The following SEC13 variants were observed in gnomAD, a reference collection of about 807,000 sequenced individuals.
The protein encoded by SEC13 is SEC13 homolog, nuclear pore and COPII component.
A neutral mutation model predicts 49.2 loss-of-function variants in SEC13; 25 were observed. The ratio of observed to expected loss-of-function variants is 0.51; its 90% confidence interval spans 0.37 to 0.71. The LOEUF is 0.71. Among genes scored for constraint, SEC13 ranks in the 30% least tolerant of loss-of-function variants. The pLI is 0.00. For synonymous variants in SEC13, 148 were observed against 163.9 expected (o/e 0.90, Z 0.74); for missense variants, 383 against 417.6 (o/e 0.92, Z 0.72).
chr3:10,313,863 T>C (rs1181896457), intron 3 of SEC13: 1 of 154,526 alleles, frequency 6.5e-6, no homozygotes, highest in East Asian at 1.9e-4. Flanking sequence ...ATAGAGAAGC[T>C]TGATTTGGCT....
chr3:10,317,642 G>C (rs1701687216), intron 2 of SEC13, among the ~76,000 whole-genome samples: 1 of 152,078 alleles, frequency 6.6e-6, no homozygotes, highest in South Asian at 2.1e-4. Flanking sequence ...TTTGTATTGA[G>C]TCATCTTTCT....
At chr3:10,307,219 T>A (rs1161916875) in intron 5 of SEC13, among the ~76,000 whole-genome samples, 3 of 151,538 alleles carry the variant, frequency 2.0e-5, no homozygotes, top group Admixed American at 2.0e-4. Flanking sequence ...TGCCTTTTTT[T>A]TTTTTTTGAG....
chr3:10,310,529 AG>A (rs1292467750), intron 5 of SEC13, among the ~76,000 whole-genome samples: 6 of 152,164 alleles, frequency 3.9e-5, no homozygotes, highest in Non-Finnish European at 4.4e-5. Flanking sequence ...AATCACAATA[AG>A]ATACCACCTC....
At chr3:10,309,014 T>G (rs1033963050) in intron 5 of SEC13, among the ~76,000 whole-genome samples, 1 of 149,676 alleles carries the variant, frequency 6.7e-6, no homozygotes, top group Non-Finnish European at 1.5e-5. Flanking sequence ...CTTGGCTCTC[T>G]GCAACCTCTG....
intron 5 of SEC13, among the ~76,000 whole-genome samples, chr3:10,311,030 A>T (rs62240125): frequency 2.8e-5 from 2 of 70,792 alleles, no homozygotes; most frequent in Non-Finnish European, 6.8e-5. Flanking sequence ...TGACAAGATT[A>T]AAAAAAAAAA....
intron 1 of SEC13, 83 bp downstream of exon 1, chr3:10,320,967 T>G: frequency 6.3e-7 from 1 of 1,591,126 alleles, no homozygotes; most frequent in Admixed American, 1.8e-5. Flanking sequence ...GCTTGGGATT[T>G]GGGACTCAGG....
chr3:10,320,934 T>TGGAGG lies in SEC13; in HGVS notation c.3+111_3+115dup, dbSNP rs1574900080. 5.9e-6 allele frequency: 9 copies of TGGAGG among 1,532,396 alleles called. No homozygotes were observed. The East Asian group carries it at 2.2e-4, about 38-fold the overall frequency. The allele number at this position is 1,532,396 out of a possible 1,614,324, so 94.9% of individuals were successfully genotyped here. ...CAGAGCCCCCCAAATCTCTAAGCGG[T>TGGAGG]GGAGGGGAGCTGAACGGCTCCAGCT... On this transcript the variant is annotated intron_variant, in intron 1 of 8. Coordinates refer to ENST00000350697, the MANE Select transcript of SEC13 (RefSeq NM_183352.3).
intron 1 of SEC13, chr3:10,320,770 T>G: frequency 7.6e-7 from 1 of 1,317,050 alleles, no homozygotes; most frequent in South Asian, 2.2e-5. Context: ...CTGCTGTTCC[T>G]CGTTTTGTTT....
Position 10,305,121 on chromosome 3 carries a change from T to C in SEC13, c.620A>G (p.Lys207Arg). 6.2e-7 allele frequency: 1 copy of C among 1,613,874 alleles called. No homozygotes were observed. ...EEDGQWKEEQ[K>R]LEAHSDWVRD... Reference sequence around the variant, plus strand: ...AACCCAGTCACTGTGCGCTTCTAGCTTCTGCTCCTCCTTCCACTGGCCGTC... The same window carrying C: ...AACCCAGTCACTGTGCGCTTCTAGCCTCTGCTCCTCCTTCCACTGGCCGTC... Residue 207 changes from lysine (K) to arginine (R), a missense_variant, in exon 7 of 9, where the codon AAG becomes AGG. Lys to Arg is a conservative substitution (Grantham distance 26). Transcript: ENST00000350697.
chr3:10,315,312 A>G lies in SEC13; in HGVS notation c.164+9T>C, dbSNP rs1194339889. On this transcript the variant is annotated intron_variant, in intron 3 of 8. Transcript: ENST00000350697. ...CCTGGAGCCCTTCCCTGGGCTCGCC[A>G]GCACTTACCCCCTGAGGTCGGCGAT... 1 of 1,604,234 alleles carries G rather than the reference A, an allele frequency of 6.2e-7. No individual in the cohort carries two copies. The highest frequency in any genetic ancestry group is 1.7e-5 in the Admixed American group (1 of 59,934).
intron 8 of SEC13, chr3:10,303,579 AC>A: frequency 4.0e-6 from 1 of 251,752 alleles, no homozygotes; most frequent in Non-Finnish European, 7.9e-6. Flanking sequence ...CCTGCCTCTT[AC>A]CAGCATAACA....
In SEC13 at chr3:10,304,075, C is replaced by T; in HGVS notation, c.806G>A (p.Ser269Asn). ...CAGGATGTTGGCTGTGATGGACCAG[C>T]TCACATGCCACACCACATCGTTGAA... ...HKFNDVVWHV[S>N]WSITANILAV... The change falls in exon 8 of 9, where the codon AGC becomes AAC. Residue 269 changes from serine to asparagine, a missense_variant. Transcript: ENST00000350697. The T allele has an allele frequency of 3.1e-6, 5 of 1,614,196 alleles. No individual in the cohort carries two copies. Among genetic ancestry groups the T allele is most frequent in the Non-Finnish European group, 3.4e-6 (4 of 1,180,034 alleles).
intron 6 of SEC13, 156 bp from the exon 7 acceptor site, chr3:10,305,312 TA>T (rs34924741): frequency 1.1e-5 from 13 of 1,163,712 alleles, no homozygotes; most frequent in Non-Finnish European, 1.3e-5. Flanking sequence ...ACCCCAGCTG[TA>T]AAAAAAACCC....
chr3:10,315,481 G>C, intron 2 of SEC13, 45 bp from the exon 3 acceptor site: 1 of 391,286 alleles, frequency 2.6e-6, no homozygotes, highest in Non-Finnish European at 5.0e-6. Flanking sequence ...CTGGGTGGGT[G>C]GGTGGGTGGG....
chr3:10,304,179 A>G lies in SEC13; in HGVS notation c.709-7T>C. On this transcript the variant is annotated splice_region_variant and splice_polypyrimidine_tract_variant and intron_variant, in intron 7 of 8. Coordinates refer to ENST00000350697, the MANE Select transcript of SEC13 (RefSeq NM_183352.3). Reference sequence around the variant, plus strand: ...AAATGAACACACGACCATCCTAGGAAGAAACAGGATAGAGTCAGGAGGTGG... The same window carrying G: ...AAATGAACACACGACCATCCTAGGAGGAAACAGGATAGAGTCAGGAGGTGG... 6.2e-7 allele frequency: 1 copy of G among 1,613,884 alleles called. No individual in the cohort carries two copies. The highest frequency in any genetic ancestry group is 8.5e-7 in the Non-Finnish European group (1 of 1,179,892).
intron 2 of SEC13, among the ~76,000 whole-genome samples, chr3:10,317,072 G>A (rs1357488378): frequency 6.6e-6 from 1 of 150,842 alleles, no homozygotes; most frequent in Non-Finnish European, 1.5e-5. Flanking sequence ...GCAAATGTTT[G>A]TCATTACTAC....
At chr3:10,317,525 G>A (rs1701680712) in intron 2 of SEC13, among the ~76,000 whole-genome samples, 1 of 151,812 alleles carries the variant, frequency 6.6e-6, no homozygotes, top group Non-Finnish European at 1.5e-5. Context: ...TACCTCTCAG[G>A]AAATGCCCTG....
At position 10,319,182 on chromosome 3, in the gene SEC13, TAA is replaced by T. The variant is rs765431888; in HGVS notation, c.4-1090_4-1089del. The stretch of plus-strand genomic sequence containing the variant: ...TTTTCCAGCACAAGCCCTGTAGGTA[TAA>T]AGTTTGACTTGTGATTTCAGAAAGG... On this transcript the variant is annotated intron_variant, in intron 1 of 8. Transcript: ENST00000350697. The T allele has an allele frequency of 1.3e-5, 21 of 1,613,718 alleles. No individual in the cohort carries two copies. In the Middle Eastern group the frequency reaches 8.2e-4, roughly 63 times the overall value.
intron 1 of SEC13, chr3:10,320,613 C>T (rs770230765): frequency 1.0e-6 from 1 of 997,996 alleles, no homozygotes; most frequent in Non-Finnish European, 1.2e-6. Flanking sequence ...TCTACTACCA[C>T]TTAAGCAGCT....
Sources: gnomAD v4.1 joint callset for allele counts (sites outside exome capture counted in the v4.1 genomes callset) on GRCh38, gnomAD v4.1.1 for gene constraint, MANE v1.5 for transcripts, NCBI Gene and HGNC (gene_info 2026-07-23, HGNC 2026-07-21) for gene names.